Variants in RBM33 observed in about 807,000 individuals in gnomAD.
RBM33 encodes the protein RNA binding motif protein 33.
A neutral mutation model predicts 132.6 loss-of-function variants in RBM33; 28 were observed. That is an observed-to-expected ratio of 0.21 (90% CI 0.16 to 0.29). The LOEUF is 0.29. Among genes scored for constraint, RBM33 ranks in the 10% least tolerant of loss-of-function variants. The probability of loss-of-function intolerance (pLI) is 1.00; values close to 1 mark genes in which losing one functional copy is unlikely to be tolerated. For missense variants in RBM33, 1,291 were observed against 1,518.5 expected, an observed-to-expected ratio of 0.85 and a Z score of 2.49; for synonymous variants, 634 against 593.0, an observed-to-expected ratio of 1.07 and a Z score of -1.01.
chr7:155,684,916 T>A (rs1352029141), intron 5 of RBM33: 2 of 1,546,038 alleles, frequency 1.3e-6, no homozygotes, highest in South Asian at 2.4e-5. Flanking sequence ...ACTTGTTTTC[T>A]CTTTAATGGC....
chr7:155,735,956 T>G (rs1275465401), intron 9 of RBM33, among the ~76,000 whole-genome samples: 1 of 152,218 alleles, frequency 6.6e-6, no homozygotes, highest in Non-Finnish European at 1.5e-5. Flanking sequence ...TGGATTTCCT[T>G]GTTTCACCTA....
At chr7:155,721,390 A>T (rs932876843) in intron 9 of RBM33, among the ~76,000 whole-genome samples, 1 of 152,178 alleles carries the variant, frequency 6.6e-6, no homozygotes, top group Non-Finnish European at 1.5e-5. Flanking sequence ...AGAATAAGTA[A>T]TGTAAAGGGG....
At chr7:155,661,127 T>TA in intron 1 of RBM33, among the ~76,000 whole-genome samples, 1 of 57,518 alleles carries the variant, frequency 1.7e-5, no homozygotes, top group Non-Finnish European at 4.3e-5. Flanking sequence ...TGTGTGTGTG[T>TA]GTGTATATAT....
intron 7 of RBM33, 173 bp from the exon 8 acceptor site, chr7:155,711,030 T>C (rs564751260): frequency 2.2e-6 from 2 of 892,912 alleles, no homozygotes; most frequent in South Asian, 5.4e-5. Flanking sequence ...AGCTTCTTTA[T>C]CCTGCTGTTT....
At chr7:155,741,618 T>G (rs1022508416) in intron 12 of RBM33, among the ~76,000 whole-genome samples, 3 of 152,190 alleles carry the variant, frequency 2.0e-5, no homozygotes, top group Non-Finnish European at 4.4e-5. Flanking sequence ...ATTGTTAACA[T>G]TAGGATGAGG....
At chr7:155,679,061 A>G (rs1426465254) in intron 4 of RBM33, among the ~76,000 whole-genome samples, 1 of 152,184 alleles carries the variant, frequency 6.6e-6, no homozygotes, top group Non-Finnish European at 1.5e-5. Context: ...AGTCCCAGCT[A>G]CTTGGAGGGC....
intron 6 of RBM33, among the ~76,000 whole-genome samples, chr7:155,703,105 G>A (rs1800014630): frequency 6.6e-6 from 1 of 152,082 alleles, no homozygotes; most frequent in African/African-American, 2.4e-5. Flanking sequence ...CCAACCACTA[G>A]TAACATCCTT....
At chr7:155,698,857 G>A (rs79147750) in intron 5 of RBM33, among the ~76,000 whole-genome samples, 5,283 of 152,246 alleles carry the variant, frequency 0.035, 313 homozygotes, top group African/African-American at 0.12. Context: ...GACCTATTGC[G>A]AAGTAGCATT....
rs1802692416 is a variant in RBM33, at chr7:155,778,364, G to A, written c.*3323G>A. 6.6e-6 allele frequency: 1 copy of A among 152,308 alleles called. No individual in the cohort carries two copies. The highest frequency in any genetic ancestry group is 6.5e-5 in the Admixed American group (1 of 15,284). 9.4% of individuals were successfully genotyped at this position (152,308 alleles called of 1,614,324 possible). ...AGCATCTTGCTCAGTTCTGTGAACA[G>A]AAGGCTTTGTTACTGAAGGAGGTGG... On this transcript the variant is annotated 3_prime_UTR_variant, in exon 18 of 18. Coordinates refer to ENST00000401878, the MANE Select transcript of RBM33 (RefSeq NM_053043.3). This position sits in a 1 kb window ranked among gnomAD's most constrained non-coding sequence, Gnocchi z 4.0.
At chr7:155,682,492 TG>T (rs1445703058) in intron 5 of RBM33, among the ~76,000 whole-genome samples, 2 of 152,232 alleles carry the variant, frequency 1.3e-5, no homozygotes, top group Non-Finnish European at 2.9e-5. Context: ...CTTTTAGAAT[TG>T]TGCCTAGTTA....
Position 155,707,072 on chromosome 7 carries a change from A to G in RBM33, c.948+4A>G, listed in dbSNP as rs1222876937. 1.3e-6 allele frequency: 2 copies of G among 1,535,612 alleles called. No homozygotes were observed. The highest frequency in any genetic ancestry group is 2.4e-5 in the East Asian group (1 of 40,978). ...TCCTACACAGCCTCCTGTCGTGGTA[A>G]CTTCAGATTTTCTTGTAGTAGCCCT... On this transcript the variant is annotated splice_donor_region_variant and intron_variant, in intron 7 of 17. Transcript: ENST00000401878.
chr7:155,664,726 A>T (rs900014460), intron 1 of RBM33, among the ~76,000 whole-genome samples: 6 of 152,214 alleles, frequency 3.9e-5, no homozygotes, highest in African/African-American at 1.4e-4. Flanking sequence ...TCCGTTGCTC[A>T]GCACATCTCT....
chr7:155,719,577 A>G lies in RBM33; in HGVS notation c.1260+1134A>G, dbSNP rs777923290. ...CAAGTTCTAAAAATTAGTTGTTTTT[A>G]AAACATTAGATGATATTTATTGGGT... On this transcript the variant is annotated intron_variant, in intron 9 of 17. Coordinates refer to ENST00000401878, the MANE Select transcript of RBM33 (RefSeq NM_053043.3). 7.9e-5 allele frequency among the ~76,000 whole-genome samples: 12 copies of G among 152,332 alleles called. No homozygotes were observed. The Middle Eastern group carries it at 0.01, about 130-fold the overall frequency.
rs147327002 is a variant in RBM33, at chr7:155,724,538, G to A, written c.1260+6095G>A. Among the ~76,000 whole-genome samples, 122 of 152,228 alleles carry A rather than the reference G, an allele frequency of 8.0e-4. 2 individuals carry two copies. In the East Asian group the frequency reaches 0.016, roughly 20 times the overall value. On this transcript the variant is annotated intron_variant, in intron 9 of 17. Transcript: ENST00000401878. ...GCGAGACTCCGTGTCAAGTAAGAAC[G>A]AAACAAAACAAAACCAAAAACAAAA...
At chr7:155,769,318 C>T (rs999409691) in intron 16 of RBM33, among the ~76,000 whole-genome samples, 9 of 152,116 alleles carry the variant, frequency 5.9e-5, no homozygotes, top group Admixed American at 1.3e-4. Context: ...GTGTTTCTTG[C>T]GGGAAAGCAC....
Position 155,644,936 on chromosome 7 carries a change from G to T in RBM33, c.43+17G>T, listed in dbSNP as rs746582976. 70 of 1,492,304 alleles carry T rather than the reference G, an allele frequency of 4.7e-5. No homozygotes were observed. Among genetic ancestry groups the T allele is most frequent in the Non-Finnish European group, 5.8e-5 (65 of 1,126,048 alleles). 92.4% of individuals were successfully genotyped at this position (1,492,304 alleles called of 1,614,324 possible). ...GCGCCGGAGGTACGTGAGGCAGCCG[G>T]ACTCTGGGGGCCAGGACCGCGCCGC... On this transcript the variant is annotated intron_variant, in intron 1 of 17. Coordinates refer to ENST00000401878, the MANE Select transcript of RBM33 (RefSeq NM_053043.3).
chr7:155,713,831 G>A (rs1800379181), intron 8 of RBM33, among the ~76,000 whole-genome samples: 1 of 152,182 alleles, frequency 6.6e-6, no homozygotes, highest in Non-Finnish European at 1.5e-5. Flanking sequence ...CATCATTGAT[G>A]CAGATGAGAG....
At position 155,711,360 on chromosome 7, in the gene RBM33, G is replaced by A; in HGVS notation, c.1106G>A (p.Arg369Lys). Residue 369 changes from arginine to lysine, a missense_variant, in exon 8 of 18, where the codon AGG becomes AAG. By Grantham distance (26) the Arg-to-Lys change is conservative. Coordinates refer to ENST00000401878, the MANE Select transcript of RBM33 (RefSeq NM_053043.3). ...ATGCCTCCCCAGCTAGAGACCCCAAGGATGATGATGACCCCGCCACCCGTG... is the reference window on the plus strand; with the variant it reads ...ATGCCTCCCCAGCTAGAGACCCCAAAGATGATGATGACCCCGCCACCCGTG... The part of the protein sequence containing the change: ...MHMPPQLETP[R>K]MMMTPPPVTP... The A allele has an allele frequency of 1.3e-6, 2 of 1,595,632 alleles. No homozygotes were observed. The highest frequency in any genetic ancestry group is 1.7e-6 in the Non-Finnish European group (2 of 1,171,552).
intron 1 of RBM33, among the ~76,000 whole-genome samples, chr7:155,661,304 A>G (rs936473634): frequency 2.0e-5 from 3 of 149,714 alleles, no homozygotes; most frequent in African/African-American, 4.9e-5. Flanking sequence ...ACACCCACCT[A>G]ATTTTTGTAT....
Sources: allele counts gnomAD v4.1 joint callset (sites outside exome capture counted in the v4.1 genomes callset), GRCh38; gene constraint gnomAD v4.1.1; non-coding constraint Gnocchi (gnomAD v3.1); transcripts MANE v1.5; gene names NCBI Gene and HGNC (gene_info 2026-07-23, HGNC 2026-07-21).